Variants in SLC12A2 observed in about 807,000 individuals in gnomAD.
The protein encoded by SLC12A2 is Na-K-2Cl cotransporter 1.
In SLC12A2, 67 loss-of-function variants were observed where a neutral mutation model predicts 136.3. The ratio of observed to expected loss-of-function variants is 0.49; its 90% CI spans 0.40 to 0.60. The LOEUF is 0.60. Among genes scored for constraint, SLC12A2 ranks in the 20% least tolerant of loss-of-function variants. SLC12A2 has a pLI of 0.00. For missense variants in SLC12A2, 1,322 were observed against 1,534.7 expected (o/e 0.86, Z 2.32); for synonymous variants, 619 against 562.9 (o/e 1.10, Z -1.41).
rs199588222 is a variant in SLC12A2 at position 128,098,969 on chromosome 5, GT to G, written c.757-13843del. Reference sequence around the variant, plus strand: ...CTCTCAGCCATTTAAGCTATCCACAGTTGAGAAAGGCTCTCAGTTAAAAAGC... The same window carrying G: ...CTCTCAGCCATTTAAGCTATCCACAGTGAGAAAGGCTCTCAGTTAAAAAGC... On this transcript the variant is annotated intron_variant, in intron 1 of 26. Coordinates refer to ENST00000262461, the MANE Select transcript of SLC12A2 (RefSeq NM_001046.3). Among the ~76,000 whole-genome samples, 1,108 of 152,234 alleles carry G rather than the reference GT, an allele frequency of 7.3e-3. 12 individuals carry two copies. The highest frequency in any genetic ancestry group is 0.025 in the African/African-American group (1,036 of 41,552).
At chr5:128,167,626 T>A in intron 17 of SLC12A2, 135 bp from the exon 18 acceptor site, 2 of 527,758 alleles carry the variant, frequency 3.8e-6, no homozygotes, top group Non-Finnish European at 6.6e-6. Context: ...TAAGTAAATA[T>A]GAATATGGAA....
Position 128,166,803 on chromosome 5 carries a change from C to G in SLC12A2, c.2617-958C>G, listed in dbSNP as rs185478480. Among the ~76,000 whole-genome samples, 446 of 152,028 alleles carry G rather than the reference C, an allele frequency of 2.9e-3. 1 individual carries two copies. Among genetic ancestry groups the G allele is most frequent in the African/African-American group, 0.01 (417 of 41,508 alleles). On this transcript the variant is annotated intron_variant, in intron 17 of 26. Coordinates refer to ENST00000262461, the MANE Select transcript of SLC12A2 (RefSeq NM_001046.3). ...GTACACTTAAAAATGGTTAAAATGA[C>G]AATTTTTTTTATTTATCTTTTGCTA...
intron 21 of SLC12A2, chr5:128,177,402 G>A (rs923830322): frequency 1.8e-4 from 54 of 298,392 alleles, no homozygotes; most frequent in African/African-American, 1.1e-3. Context: ...CCAGACAGCC[G>A]GTATTAATTT....
At chr5:128,154,680 G>A (rs1762818024) in intron 15 of SLC12A2, among the ~76,000 whole-genome samples, 1 of 152,112 alleles carries the variant, frequency 6.6e-6, no homozygotes, top group South Asian at 2.1e-4. Context: ...GAACTGCAGA[G>A]AGTACTGAAT....
At chr5:128,174,455 T>G (rs957430241) in intron 19 of SLC12A2, 86 bp from the exon 20 acceptor site, 1 of 994,680 alleles carries the variant, frequency 1.0e-6, no homozygotes, top group Non-Finnish European at 1.5e-6. Flanking sequence ...TATTTTTTCA[T>G]AATAGTTTAA....
At chr5:128,135,637 G>A in intron 6 of SLC12A2, 63 bp from the exon 7 acceptor site, 1 of 1,057,400 alleles carries the variant, frequency 9.5e-7, no homozygotes, top group Admixed American at 1.8e-5. Context: ...ATATTCTAGG[G>A]GAATTGAATC....
Position 128,112,933 on chromosome 5 carries a change from A to G in SLC12A2, c.876A>G (p.Leu292=), listed in dbSNP as rs376696002. Residue 292 remains leucine (L), a splice_region_variant and synonymous_variant, in exon 2 of 27, where the codon TTA becomes TTG. Coordinates refer to ENST00000262461, the MANE Select transcript of SLC12A2 (RefSeq NM_001046.3). ...VVKFGWIKGV[L]VRCMLNIWGV... is the part of the protein sequence containing the mutation. ...AGTTTGGCTGGATCAAGGGTGTATTAGTATGTATATATAGACTTAATTTTA... is the reference window on the plus strand; with the variant it reads ...AGTTTGGCTGGATCAAGGGTGTATTGGTATGTATATATAGACTTAATTTTA... 1.2e-6 allele frequency: 2 copies of G among 1,605,910 alleles called. No individual in the cohort carries two copies. Among genetic ancestry groups the G allele is most frequent in the Non-Finnish European group, 1.7e-6 (2 of 1,177,242 alleles).
chr5:128,161,902 C>T, intron 17 of SLC12A2, 102 bp downstream of exon 17: 2 of 818,694 alleles, frequency 2.4e-6, no homozygotes, highest in Non-Finnish European at 3.4e-6. Context: ...ATAAAAATGG[C>T]AAATCTTTTT....
At chr5:128,181,879 C>T (rs1763718251) in intron 23 of SLC12A2, among the ~76,000 whole-genome samples, 1 of 152,040 alleles carries the variant, frequency 6.6e-6, no homozygotes, top group Admixed American at 6.6e-5. Context: ...TCTTTAAATA[C>T]TGCATTCTTT....
At chr5:128,086,126 A>G (rs1014142630) in intron 1 of SLC12A2, among the ~76,000 whole-genome samples, 1 of 152,198 alleles carries the variant, frequency 6.6e-6, no homozygotes, top group Admixed American at 6.5e-5. Context: ...GATTTATTTT[A>G]CCAAAGCCAA....
intron 18 of SLC12A2, among the ~76,000 whole-genome samples, chr5:128,171,296 T>C (rs1259162690): frequency 6.6e-6 from 1 of 152,146 alleles, no homozygotes; most frequent in African/African-American, 2.4e-5. Flanking sequence ...GTGTGTGTCT[T>C]CATGTATTTC....
intron 4 of SLC12A2, among the ~76,000 whole-genome samples, chr5:128,121,425 C>T (rs1171218895): frequency 6.6e-6 from 1 of 151,964 alleles, no homozygotes; most frequent in Non-Finnish European, 1.5e-5. Context: ...TGGGTTCACG[C>T]CATTCTCCTG....
chr5:128,099,148 A>G (rs1334167847), intron 1 of SLC12A2, among the ~76,000 whole-genome samples: 2 of 152,084 alleles, frequency 1.3e-5, no homozygotes, highest in Non-Finnish European at 2.9e-5. Flanking sequence ...GAAACACATT[A>G]TTAGGTGATT....
At chr5:128,164,303 A>G (rs1763134865) in intron 17 of SLC12A2, among the ~76,000 whole-genome samples, 1 of 152,124 alleles carries the variant, frequency 6.6e-6, no homozygotes, top group Non-Finnish European at 1.5e-5. Context: ...TTCTTCTGTA[A>G]ATTTGGCAGG....
rs1252641592 is a variant in SLC12A2 at position 128,084,461 on chromosome 5, G to T, written c.507G>T (p.Val169=). The T allele has an allele frequency of 3.7e-6, 6 of 1,613,104 alleles. No individual in the cohort carries two copies. The highest frequency in any genetic ancestry group is 5.1e-6 in the Non-Finnish European group (6 of 1,179,742). The change falls in exon 1 of 27, where the codon GTG becomes GTT. Residue 169 remains valine (V), a synonymous_variant. Transcript: ENST00000262461. The surrounding 1 kb of genome is among the most constrained non-coding windows in gnomAD (Gnocchi z 5.6). ...GGGTCGGAGTCGACGGGCCCAACGT[G>T]AGCTTCCAGAACGGCGGGGACACGG... ...AAGVGVDGPN[V]SFQNGGDTVL... is the part of the protein sequence containing the mutation.
intron 1 of SLC12A2, among the ~76,000 whole-genome samples, chr5:128,090,696 T>C (rs143336481): frequency 1.3e-5 from 2 of 152,136 alleles, no homozygotes; most frequent in African/African-American, 4.8e-5. Context: ...ACCTCTGATA[T>C]GTGAGCAGGC....
chr5:128,103,468 A>G (rs1418458615), intron 1 of SLC12A2, among the ~76,000 whole-genome samples: 3 of 152,242 alleles, frequency 2.0e-5, no homozygotes, highest in South Asian at 2.1e-4. Flanking sequence ...TGAAAGCTCA[A>G]TATTCATTTA....
rs774850728 is a variant in SLC12A2, at chr5:128,138,569, A to G, written c.1409-28A>G. ...TTATAGTCTAATTTGCTCTCCATTA[A>G]TTGTCAAGAATATTTTGTTCTCTGC... On this transcript the variant is annotated intron_variant, in intron 7 of 26. Transcript: ENST00000262461. 5 of 1,593,664 alleles carry G rather than the reference A, an allele frequency of 3.1e-6. 1 individual carries two copies. The highest frequency in any genetic ancestry group is 1.7e-6 in the Non-Finnish European group (2 of 1,172,584).
chr5:128,137,718 TAGAGTC>T (rs1394090766), intron 7 of SLC12A2, among the ~76,000 whole-genome samples: 3 of 152,128 alleles, frequency 2.0e-5, no homozygotes, highest in African/African-American at 4.8e-5. Flanking sequence ...TCGGTTATCT[TAGAGTC>T]AGAGATGAAA....
Sources: gnomAD v4.1 joint callset for allele counts (sites outside exome capture counted in the v4.1 genomes callset) on GRCh38, gnomAD v4.1.1 for gene constraint, Gnocchi (gnomAD v3.1) non-coding constraint, MANE v1.5 for transcripts, NCBI Gene and HGNC (gene_info 2026-07-23, HGNC 2026-07-21) for gene names.